GCSAM: variants seen among roughly 807,000 people sequenced by gnomAD.
The protein encoded by GCSAM is germinal center-associated signaling and motility protein.
Under a neutral mutation model 17.6 loss-of-function variants are expected in GCSAM, and 8 were observed. The ratio of observed to expected loss-of-function variants is 0.46; its 90% CI spans 0.27 to 0.82. GCSAM has a LOEUF of 0.82. Ranked by LOEUF, GCSAM falls within the 40% of genes least tolerant of loss-of-function variation. The pLI is 0.15. For missense variants in GCSAM, 192 were observed against 213.5 expected (o/e 0.90, Z 0.63); for synonymous variants, 68 against 69.0 (o/e 0.98, Z 0.07).
chr3:112,132,974 C>A (rs2074493344), intron 1 of GCSAM, 118 bp downstream of exon 1: 1 of 1,005,768 alleles, frequency 9.9e-7, no homozygotes, highest in Non-Finnish European at 1.5e-6. Context: ...AGTTTCCTTA[C>A]CCAACTACTT....
chr3:112,124,473 A>G (rs1050930703), intron 5 of GCSAM, among the ~76,000 whole-genome samples: 5 of 152,054 alleles, frequency 3.3e-5, no homozygotes, highest in South Asian at 2.1e-4. Context: ...GCCAGGTGTG[A>G]TGGCACACAC....
chr3:112,132,713 T>C, intron 1 of GCSAM: 2 of 973,254 alleles, frequency 2.1e-6, no homozygotes, highest in Middle Eastern at 5.3e-4. Context: ...CTTAAAATAG[T>C]GGCTGAAAGA....
chr3:112,132,893 C>T, intron 1 of GCSAM, 199 bp downstream of exon 1: 1 of 558,034 alleles, frequency 1.8e-6, no homozygotes. Context: ...CACCATGATT[C>T]TTGGGAGAAG....
At position 112,123,354 on chromosome 3, in the gene GCSAM, G is replaced by A; in HGVS notation, c.*101C>T. On this transcript the variant is annotated 3_prime_UTR_variant, in exon 6 of 6. Coordinates refer to ENST00000308910, the MANE Select transcript of GCSAM (RefSeq NM_152785.5). ...CTGCAGGGAAAGGGTTGTTGTGGGA[G>A]ATAAGCTGGAGGGACTTTGTGTCCC... is the stretch of plus-strand genomic sequence containing the variant. The A allele has an allele frequency of 5.2e-6, 8 of 1,530,718 alleles. No homozygotes were observed. Among genetic ancestry groups the A allele is most frequent in the South Asian group, 1.3e-5 (1 of 76,160 alleles). The allele number at this position is 1,530,718 out of a possible 1,614,324, so 94.8% of individuals were successfully genotyped here. A position where few individuals can be genotyped will look rare whatever the true frequency, so the allele number is the denominator to read the frequency against.
chr3:112,131,880 A>G (rs1476265205), intron 1 of GCSAM, among the ~76,000 whole-genome samples: 2 of 152,216 alleles, frequency 1.3e-5, no homozygotes, highest in South Asian at 4.1e-4. Context: ...ATAAAAAACC[A>G]TAAGAAGTCC....
At chr3:112,131,331 G>A (rs114500631) in intron 1 of GCSAM, among the ~76,000 whole-genome samples, 1,724 of 152,206 alleles carry the variant, frequency 0.011, 31 homozygotes, top group African/African-American at 0.039. Flanking sequence ...ATTCTATTCT[G>A]TGCAAAATTT....
chr3:112,123,152 T>G lies in GCSAM; in HGVS notation c.*303A>C. ...ATCCCAGACAGAAGAGCAGAGCCCC[T>G]TGTGGTGTGCATAGCTTTAGGGGAA... On this transcript the variant is annotated 3_prime_UTR_variant, in exon 6 of 6. Transcript: ENST00000308910. The G allele has an allele frequency of 2.6e-6, 1 of 390,094 alleles. No individual in the cohort carries two copies. Among genetic ancestry groups the G allele is most frequent in the Non-Finnish European group, 4.7e-6 (1 of 212,838 alleles). 24.2% of individuals were successfully genotyped at this position (390,094 alleles called of 1,614,324 possible). A position where few individuals can be genotyped will look rare whatever the true frequency, so the allele number is the denominator to read the frequency against.
In GCSAM at chr3:112,123,369, C is replaced by G; in HGVS notation, c.*86G>C. Reference sequence around the variant, plus strand: ...TGTTGTGGGAGATAAGCTGGAGGGACTTTGTGTCCCATCCCTGCTTCAGGC... The same window carrying G: ...TGTTGTGGGAGATAAGCTGGAGGGAGTTTGTGTCCCATCCCTGCTTCAGGC... On this transcript the variant is annotated 3_prime_UTR_variant, in exon 6 of 6. Transcript: ENST00000308910. 2 of 1,551,014 alleles carry G rather than the reference C, an allele frequency of 1.3e-6. No individual in the cohort carries two copies. Among genetic ancestry groups the G allele is most frequent in the Non-Finnish European group, 8.7e-7 (1 of 1,149,776 alleles).
intron 2 of GCSAM, chr3:112,129,154 A>G (rs1201613207): frequency 6.6e-6 from 1 of 152,194 alleles, no homozygotes; most frequent in Non-Finnish European, 1.5e-5. Context: ...TGCTTACATT[A>G]TCTGCTTTGT....
At chr3:112,124,270 A>G (rs762980509) in intron 5 of GCSAM, among the ~76,000 whole-genome samples, 2 of 152,202 alleles carry the variant, frequency 1.3e-5, no homozygotes, top group African/African-American at 4.8e-5. Context: ...CACTACCCAT[A>G]TAATTCCCAG....
rs1187251170 is a variant in GCSAM at position 112,123,615 on chromosome 3, G to T, written c.377C>A (p.Thr126Asn). The change falls in exon 6 of 6, where the codon ACT becomes AAT. Residue 126 changes from threonine to asparagine, a missense_variant. Transcript: ENST00000308910. ...AGGCATATGTAGAAGTGAATACTCA[G>T]TCTCAGTTCCTCCCAAGGACTCTCT... ...RPRESLGGTE[T>N]EYSLLHMPST... The T allele has an allele frequency of 6.2e-7, 1 of 1,614,046 alleles. No homozygotes were observed. The highest frequency in any genetic ancestry group is 8.5e-7 in the Non-Finnish European group (1 of 1,180,010).
intron 3 of GCSAM, 120 bp from the exon 4 acceptor site, chr3:112,127,153 C>T (rs2074343149): frequency 1.6e-6 from 1 of 614,256 alleles, no homozygotes; most frequent in Non-Finnish European, 2.8e-6. Flanking sequence ...TATAATACCT[C>T]CTTCAGCATA....
In GCSAM at chr3:112,122,583, A is replaced by C. The variant is rs1303021229; in HGVS notation, c.*872T>G. On this transcript the variant is annotated 3_prime_UTR_variant, in exon 6 of 6. Coordinates refer to ENST00000308910, the MANE Select transcript of GCSAM (RefSeq NM_152785.5). ...TCATATTTTATACATGACATTATTAAATATATACATTTAGTATACATTTAA... is the reference window on the plus strand; with the variant it reads ...TCATATTTTATACATGACATTATTACATATATACATTTAGTATACATTTAA... 6.6e-6 allele frequency: 1 copy of C among 152,196 alleles called. No individual in the cohort carries two copies. Among genetic ancestry groups the C allele is most frequent in the Non-Finnish European group, 1.5e-5 (1 of 68,028 alleles). The allele number at this position is 152,196 out of a possible 1,614,324, so 9.4% of individuals were successfully genotyped here.
At chr3:112,127,248 CTCTT>C (rs2074346721) in intron 3 of GCSAM, among the ~76,000 whole-genome samples, 1 of 152,198 alleles carries the variant, frequency 6.6e-6, no homozygotes, top group African/African-American at 2.4e-5. Context: ...CTCTCCTCCT[CTCTT>C]TCTTTTCTAA....
chr3:112,124,643 G>A (rs1039703824), intron 5 of GCSAM, among the ~76,000 whole-genome samples: 9 of 151,998 alleles, frequency 5.9e-5, no homozygotes, highest in Non-Finnish European at 1.3e-4. Flanking sequence ...ATAATCTTAT[G>A]ATATCTTAAT....
At chr3:112,125,277 A>G in intron 4 of GCSAM, 23 bp from the exon 5 acceptor site, 8 of 1,535,600 alleles carry the variant, frequency 5.2e-6, no homozygotes, top group Non-Finnish European at 7.2e-6. Flanking sequence ...AATACACTCA[A>G]TGAATTTCAG....
chr3:112,126,739 C>T (rs1559984310), intron 4 of GCSAM, among the ~76,000 whole-genome samples: 1 of 152,154 alleles, frequency 6.6e-6, no homozygotes, highest in African/African-American at 2.4e-5. Context: ...ATCCTTGCCC[C>T]CAGTTACTGC....
At chr3:112,127,081 A>G (rs759098990) in intron 3 of GCSAM, 48 bp from the exon 4 acceptor site, 9 of 1,229,428 alleles carry the variant, frequency 7.3e-6, no homozygotes, top group Middle Eastern at 3.8e-4. Flanking sequence ...AGAAACTCTC[A>G]AAGGAAATGA....
At chr3:112,127,556 T>C (rs2074356165) in intron 3 of GCSAM, among the ~76,000 whole-genome samples, 1 of 152,210 alleles carries the variant, frequency 6.6e-6, no homozygotes, top group Non-Finnish European at 1.5e-5. Flanking sequence ...TAACCCTATG[T>C]CCTGGTTTGC....
Sources: gnomAD v4.1 joint callset for allele counts (sites outside exome capture counted in the v4.1 genomes callset) on GRCh38, gnomAD v4.1.1 for gene constraint, MANE v1.5 for transcripts, NCBI Gene and HGNC (gene_info 2026-07-23, HGNC 2026-07-21) for gene names.